CATSPERB: variants seen among roughly 807,000 people sequenced by gnomAD.
CATSPERB encodes the protein cation channel sperm-associated auxiliary subunit beta.
CATSPERB carries 93 observed loss-of-function variants against 128.3 expected under a neutral mutation model. The observed-to-expected ratio is 0.72, with a 90% confidence interval of 0.61 to 0.86. The LOEUF (loss-of-function observed/expected upper bound fraction) is 0.86. Ranked by LOEUF, CATSPERB falls within the 40% of genes least tolerant of loss-of-function variation. The probability of loss-of-function intolerance (pLI) is 0.00; values close to 1 mark genes in which losing one functional copy is unlikely to be tolerated. For synonymous variants in CATSPERB, 381 were observed against 448.8 expected, an observed-to-expected ratio of 0.85 and a Z score of 1.91; for missense variants, 1,153 against 1,329.5, an observed-to-expected ratio of 0.87 and a Z score of 2.06.
chr14:91,675,330 C>T (rs543920130), intron 11 of CATSPERB, among the ~76,000 whole-genome samples: 1 of 152,352 alleles, frequency 6.6e-6, no homozygotes, highest in South Asian at 2.1e-4. Flanking sequence ...AATCTCCCTT[C>T]TCTCCCTGTC....
intron 22 of CATSPERB, chr14:91,604,489 T>A (rs1174223902): frequency 6.3e-7 from 1 of 1,595,648 alleles, no homozygotes; most frequent in Non-Finnish European, 8.5e-7. Context: ...TGGTCTGCTG[T>A]ATTACATTAT....
chr14:91,586,972 T>C (rs991906559), intron 26 of CATSPERB, among the ~76,000 whole-genome samples: 1 of 152,156 alleles, frequency 6.6e-6, no homozygotes, highest in Admixed American at 6.5e-5. Flanking sequence ...CCACGTATTA[T>C]TACATGTATT....
intron 15 of CATSPERB, among the ~76,000 whole-genome samples, chr14:91,641,080 GTTGT>G (rs1167858532): frequency 1.6e-4 from 21 of 128,038 alleles, no homozygotes; most frequent in Non-Finnish European, 3.1e-4. Context: ...TTTTGATGGG[GTTGT>G]TTGTTTTTTT....
Position 91,605,237 on chromosome 14 carries a change from A to G in CATSPERB, c.2709+3057T>C. ...TGGATAGTTTTCTTCAGGCCCACAA[A>G]TCACAGGTGTAAGTGAAGAGTCTTT... On this transcript the variant is annotated intron_variant, in intron 22 of 26. Coordinates refer to ENST00000256343, the MANE Select transcript of CATSPERB (RefSeq NM_024764.4). 3 of 1,535,754 alleles carry G rather than the reference A, an allele frequency of 2.0e-6. No homozygotes were observed. The South Asian group carries it at 3.4e-5, about 17-fold the overall frequency.
intron 22 of CATSPERB, chr14:91,604,617 C>T: frequency 6.2e-7 from 1 of 1,611,198 alleles, no homozygotes; most frequent in Non-Finnish European, 8.5e-7. Context: ...CTGTTCCAGG[C>T]CTGATTGTTC....
intron 15 of CATSPERB, among the ~76,000 whole-genome samples, chr14:91,646,477 A>G (rs1894607918): frequency 6.6e-6 from 1 of 152,148 alleles, no homozygotes; most frequent in Non-Finnish European, 1.5e-5. Context: ...ATGTTAAGTC[A>G]CTTCATCCAC....
chr14:91,621,432 A>C (rs1894039742), intron 19 of CATSPERB, among the ~76,000 whole-genome samples, 176 bp downstream of exon 19: 1 of 152,184 alleles, frequency 6.6e-6, no homozygotes, highest in African/African-American at 2.4e-5. Context: ...TAATAGTTTA[A>C]TATAGAGCCC....
rs1016249807 is a variant in CATSPERB, at chr14:91,588,542, A to G, written c.2957-464T>C. On this transcript the variant is annotated intron_variant, in intron 24 of 26. Coordinates refer to ENST00000256343, the MANE Select transcript of CATSPERB (RefSeq NM_024764.4). ...TAAAGTTTTACAATGAGATTACTTGACTATTTTCCTGCCTTTCTTGTCATC... is the reference window on the plus strand; with the variant it reads ...TAAAGTTTTACAATGAGATTACTTGGCTATTTTCCTGCCTTTCTTGTCATC... Among the ~76,000 whole-genome samples, 98 of 152,294 alleles carry G rather than the reference A, an allele frequency of 6.4e-4. 1 individual carries two copies. Among genetic ancestry groups the G allele is most frequent in the African/African-American group, 2.3e-3 (96 of 41,564 alleles).
chr14:91,679,062 G>C (rs1895238009), intron 11 of CATSPERB, among the ~76,000 whole-genome samples: 1 of 152,122 alleles, frequency 6.6e-6, no homozygotes, highest in Non-Finnish European at 1.5e-5. Context: ...TGTAAATGGG[G>C]TAAATGCTTG....
chr14:91,639,216 A>C lies in CATSPERB; in HGVS notation c.1467T>G (p.Thr489=). The C allele has an allele frequency of 2.5e-6, 4 of 1,613,888 alleles. No individual in the cohort carries two copies. The highest frequency in any genetic ancestry group is 3.4e-6 in the Non-Finnish European group (4 of 1,179,874). The change falls in exon 16 of 27, where the codon ACT becomes ACG. Residue 489 remains threonine, a synonymous_variant. Coordinates refer to ENST00000256343, the MANE Select transcript of CATSPERB (RefSeq NM_024764.4). ...MGRYSAVGSV[T]ERIFTLYYDH... ...CATAGTATAATGTGAAAATTCTCTC[A>C]GTAACACTTCCGACTGCACTGTATC...
At chr14:91,712,280 G>A (rs991553233) in intron 5 of CATSPERB, among the ~76,000 whole-genome samples, 2 of 152,066 alleles carry the variant, frequency 1.3e-5, no homozygotes, top group African/African-American at 4.8e-5. Context: ...CAAGAGTTAA[G>A]TTTCTATGGC....
chr14:91,667,667 C>A (rs1895010436), intron 14 of CATSPERB, among the ~76,000 whole-genome samples: 1 of 152,344 alleles, frequency 6.6e-6, no homozygotes, highest in African/African-American at 2.4e-5. Context: ...AAGGCCTAGA[C>A]CTCCTCACTG....
At chr14:91,686,035 C>T (rs1157713351) in intron 10 of CATSPERB, among the ~76,000 whole-genome samples, 1 of 152,180 alleles carries the variant, frequency 6.6e-6, no homozygotes. Context: ...TTACCTTTGA[C>T]TGGAAATGCT....
chr14:91,714,377 T>C (rs566502332), intron 5 of CATSPERB, among the ~76,000 whole-genome samples: 3 of 151,502 alleles, frequency 2.0e-5, no homozygotes, highest in Non-Finnish European at 4.4e-5. Flanking sequence ...ATTATCCATG[T>C]AGAAAATCCT....
chr14:91,644,489 T>C (rs1463748995), intron 15 of CATSPERB, among the ~76,000 whole-genome samples: 1 of 142,596 alleles, frequency 7.0e-6, no homozygotes, highest in Non-Finnish European at 1.5e-5. Flanking sequence ...TGGCTGGATA[T>C]GAAATTCTGG....
chr14:91,615,423 G>T, intron 20 of CATSPERB, among the ~76,000 whole-genome samples: 1 of 152,162 alleles, frequency 6.6e-6, no homozygotes, highest in Non-Finnish European at 1.5e-5. Context: ...TGCCAAAAAG[G>T]TTGGAGACCA....
chr14:91,708,555 T>C (rs1895775903), intron 5 of CATSPERB, among the ~76,000 whole-genome samples: 1 of 152,134 alleles, frequency 6.6e-6, no homozygotes, highest in Non-Finnish European at 1.5e-5. Context: ...CCATGATTAA[T>C]TAAAATGTAT....
rs750887386 is a variant in CATSPERB, at chr14:91,580,943, C to A, written c.3297G>T (p.Lys1099Asn). ...GCTCACTGAGAGAGATACTTGAAAACTTCTCTTGGTTTCTTCTAATCCATC... is the reference window on the plus strand; with the variant it reads ...GCTCACTGAGAGAGATACTTGAAAAATTCTCTTGGTTTCTTCTAATCCATC... ...FQRWIRRNQEKFSSISLSELI... is the reference protein window; with the variant it reads ...FQRWIRRNQENFSSISLSELI... The change falls in exon 27 of 27, where the codon AAG (lysine) becomes AAT (asparagine). Residue 1099 changes from lysine (K) to asparagine (N), a missense_variant. Coordinates refer to ENST00000256343, the MANE Select transcript of CATSPERB (RefSeq NM_024764.4). 2 of 1,614,222 alleles carry A rather than the reference C, an allele frequency of 1.2e-6. No individual in the cohort carries two copies. Among genetic ancestry groups the A allele is most frequent in the Non-Finnish European group, 1.7e-6 (2 of 1,180,038 alleles).
intron 6 of CATSPERB, among the ~76,000 whole-genome samples, chr14:91,705,529 G>A (rs1033353646): frequency 2.0e-5 from 3 of 152,240 alleles, no homozygotes; most frequent in East Asian, 1.9e-4. Context: ...GGTCTTTCAC[G>A]TGGCAAACCA....
Sources: gnomAD v4.1 joint callset for allele counts (sites outside exome capture counted in the v4.1 genomes callset) on GRCh38, gnomAD v4.1.1 for gene constraint, MANE v1.5 for transcripts, NCBI Gene and HGNC (gene_info 2026-07-23, HGNC 2026-07-21) for gene names.